PCDHGB4: variants seen among roughly 807,000 people sequenced by gnomAD.
The protein encoded by PCDHGB4 is protocadherin gamma-B4.
PCDHGB4 carries 38 observed loss-of-function variants against 60.5 expected under a neutral mutation model. The ratio of observed to expected loss-of-function variants is 0.63; its 90% CI spans 0.48 to 0.82. The LOEUF is 0.82. Ranked by LOEUF, PCDHGB4 falls within the 40% of genes least tolerant of loss-of-function variation. PCDHGB4 has a pLI of 0.00. For missense variants in PCDHGB4, 1,109 were observed against 1,209.6 expected, an observed-to-expected ratio of 0.92 and a Z score of 1.23; for synonymous variants, 456 against 509.7, an observed-to-expected ratio of 0.89 and a Z score of 1.42.
chr5:141,404,159 A>C, intron 1 of PCDHGB4: 1 of 1,613,114 alleles, frequency 6.2e-7, no homozygotes, highest in South Asian at 1.1e-5. Flanking sequence ...AGATTATTAC[A>C]GATTGTTGAC....
At chr5:141,459,845 T>C (rs914128032) in intron 1 of PCDHGB4, among the ~76,000 whole-genome samples, 1 of 152,232 alleles carries the variant, frequency 6.6e-6, no homozygotes, top group Admixed American at 6.5e-5. Flanking sequence ...TCTATTTGTA[T>C]ATCTTCTTGA....
At chr5:141,505,044 C>G (rs1446394128) in intron 2 of PCDHGB4, among the ~76,000 whole-genome samples, 3 of 152,156 alleles carry the variant, frequency 2.0e-5, no homozygotes, top group African/African-American at 7.2e-5. Context: ...TGCCTGTCAT[C>G]CCAGCTACTT....
intron 2 of PCDHGB4, 166 bp from the exon 3 acceptor site, chr5:141,505,227 T>C: frequency 1.2e-6 from 1 of 840,112 alleles, no homozygotes; most frequent in Non-Finnish European, 1.4e-6. Context: ...TGTGGGATTC[T>C]GGCTTCTGAA....
intron 1 of PCDHGB4, chr5:141,407,951 A>C: frequency 1.7e-6 from 1 of 578,566 alleles, no homozygotes; most frequent in Non-Finnish European, 2.8e-6. Context: ...GCTGTCGGCC[A>C]GTGCAGAGCA....
intron 1 of PCDHGB4, chr5:141,427,993 C>G: frequency 6.3e-7 from 1 of 1,599,460 alleles, no homozygotes; most frequent in South Asian, 1.1e-5. Flanking sequence ...CCCGATGGCT[C>G]CGCACTCTTC....
In PCDHGB4 at chr5:141,490,537, T is replaced by C; in HGVS notation, c.2398-4270T>C. On this transcript the variant is annotated intron_variant, in intron 1 of 3. Transcript: ENST00000519479. This position sits in a 1 kb window ranked among gnomAD's most constrained non-coding sequence, Gnocchi z 5.4. ...GCTGGCCAGCGATGCTGGTTCACCT[T>C]CCCTACACAAACATCTCACCATCAG... is the stretch of plus-strand genomic sequence containing the variant. 1.9e-6 allele frequency: 3 copies of C among 1,614,180 alleles called. No homozygotes were observed. The highest frequency in any genetic ancestry group is 8.5e-7 in the Non-Finnish European group (1 of 1,180,028).
At chr5:141,399,062 C>T in intron 1 of PCDHGB4, 1 of 1,613,790 alleles carries the variant, frequency 6.2e-7, no homozygotes, top group Non-Finnish European at 8.5e-7. Context: ...AAGGAATATT[C>T]AATGGTTGTA....
At position 141,430,974 on chromosome 5, in the gene PCDHGB4, C is replaced by T. The variant is rs141488923; in HGVS notation, c.2397+40693C>T. The T allele has an allele frequency of 7.0e-4, 1,130 of 1,613,070 alleles. 8 individuals carry two copies. In the African/African-American group the frequency reaches 0.014, roughly 19 times the overall value. On this transcript the variant is annotated intron_variant, in intron 1 of 3. Transcript: ENST00000519479. ...GTCCGCATCATCCCCAGAGGTAGGA[C>T]GCAGCTTTTCGCCCTGAATCCGCGC...
At chr5:141,402,103 A>C (rs565155809) in intron 1 of PCDHGB4, among the ~76,000 whole-genome samples, 3 of 152,336 alleles carry the variant, frequency 2.0e-5, no homozygotes, top group African/African-American at 4.8e-5. Flanking sequence ...TTAAGCAATT[A>C]CAAAAATGTG....
chr5:141,400,590 T>A, intron 1 of PCDHGB4: 3 of 1,604,846 alleles, frequency 1.9e-6, no homozygotes, highest in Non-Finnish European at 2.6e-6. Context: ...CATGAAACTA[T>A]CGTACATTTT....
chr5:141,423,883 A>G, intron 1 of PCDHGB4: 2 of 1,283,462 alleles, frequency 1.6e-6, no homozygotes, highest in Non-Finnish European at 2.0e-6. Context: ...CAATCTTGGC[A>G]TATTTTCTTT....
At chr5:141,403,083 T>A (rs775664314) in intron 1 of PCDHGB4, 2 of 1,613,932 alleles carry the variant, frequency 1.2e-6, no homozygotes, top group East Asian at 4.5e-5. Flanking sequence ...AAGGGCTATA[T>A]TGTGGGCAAC....
rs376978832 is a variant in PCDHGB4, at chr5:141,395,250, C to T, written c.2397+4969C>T. On this transcript the variant is annotated intron_variant, in intron 1 of 3. Transcript: ENST00000519479. ...TGATCATGGTCAGGTGAGTTTAGTT[C>T]TTTGCTTGCTTTTAATTTCCAGATG... 1.1e-5 allele frequency: 17 copies of T among 1,558,200 alleles called. No individual in the cohort carries two copies. In the African/African-American group the frequency reaches 2.3e-4, roughly 21 times the overall value.
intron 1 of PCDHGB4, chr5:141,422,796 T>C: frequency 6.2e-7 from 1 of 1,614,234 alleles, no homozygotes; most frequent in Middle Eastern, 1.6e-4. Flanking sequence ...CCTTCGACTA[T>C]GAGCAGTTTC....
chr5:141,497,218 GA>G (rs1172998466), intron 2 of PCDHGB4, among the ~76,000 whole-genome samples: 1 of 149,792 alleles, frequency 6.7e-6, no homozygotes, highest in Non-Finnish European at 1.5e-5. Flanking sequence ...ATGGGGGGGG[GA>G]AGATCAGAGA....
At position 141,486,602 on chromosome 5, in the gene PCDHGB4, C is replaced by T; in HGVS notation, c.2398-8205C>T. The stretch of plus-strand genomic sequence containing the variant: ...TCGCCCAGGGGACCTGCTTTGCTCC[C>T]TTGCAGCCTCTGACCCAGACTCTGG... On this transcript the variant is annotated intron_variant, in intron 1 of 3. Transcript: ENST00000519479. The surrounding 1 kb of genome is among the most constrained non-coding windows in gnomAD (Gnocchi z 5.0). 6.2e-7 allele frequency: 1 copy of T among 1,613,572 alleles called. No homozygotes were observed. Among genetic ancestry groups the T allele is most frequent in the Non-Finnish European group, 8.5e-7 (1 of 1,180,026 alleles).
At chr5:141,459,149 T>C (rs2098961903) in intron 1 of PCDHGB4, among the ~76,000 whole-genome samples, 1 of 152,234 alleles carries the variant, frequency 6.6e-6, no homozygotes, top group Non-Finnish European at 1.5e-5. Context: ...AATCAAAATA[T>C]AGAACATTTC....
Position 141,476,217 on chromosome 5 carries a change from A to G in PCDHGB4, c.2398-18590A>G. On this transcript the variant is annotated intron_variant, in intron 1 of 3. Coordinates refer to ENST00000519479, the MANE Select transcript of PCDHGB4 (RefSeq NM_003736.4). This position sits in a 1 kb window ranked among gnomAD's most constrained non-coding sequence, Gnocchi z 7.6. ...TTGAACAAGGCTTCCACGGTCATTC[A>G]CTATGAGATCCCGGAGGAAAGAGAG... The G allele has an allele frequency of 6.2e-7, 1 of 1,613,836 alleles. No homozygotes were observed. The highest frequency in any genetic ancestry group is 2.2e-5 in the East Asian group (1 of 44,818).
At chr5:141,450,006 C>CTT (rs1554136305) in intron 1 of PCDHGB4, among the ~76,000 whole-genome samples, 6 of 132,984 alleles carry the variant, frequency 4.5e-5, no homozygotes, top group East Asian at 2.2e-4. Flanking sequence ...TGCCATGTCT[C>CTT]TTTTTTTTTT....
Sources: allele counts gnomAD v4.1 joint callset (sites outside exome capture counted in the v4.1 genomes callset), GRCh38; gene constraint gnomAD v4.1.1; non-coding constraint Gnocchi (gnomAD v3.1); transcripts MANE v1.5; gene names NCBI Gene and HGNC (gene_info 2026-07-23, HGNC 2026-07-21).